The following ZNF681 variants were observed in gnomAD, a reference collection of about 807,000 sequenced individuals.
The protein encoded by ZNF681 is hypothetical protein FLJ31526.
Under a neutral mutation model 56.0 loss-of-function variants are expected in ZNF681, and 37 were observed. The ratio of observed to expected loss-of-function variants is 0.66; its 90% confidence interval spans 0.51 to 0.87. The LOEUF (loss-of-function observed/expected upper bound fraction) is 0.87, where lower values mean the gene tolerates loss of function less well. ZNF681 is among the 40% of genes least tolerant of loss of function. The pLI, the probability that ZNF681 is intolerant of heterozygous loss-of-function variation, is 0.00. For synonymous variants in ZNF681, 225 were observed against 248.6 expected, an observed-to-expected ratio of 0.91 and a Z score of 0.89; for missense variants, 741 against 744.9, an observed-to-expected ratio of 0.99 and a Z score of 0.06.
At chr19:23,748,417 T>C (rs536828968) in intron 3 of ZNF681, among the ~76,000 whole-genome samples, 2 of 152,294 alleles carry the variant, frequency 1.3e-5, no homozygotes, top group African/African-American at 4.8e-5. Context: ...TCCTTGAGGT[T>C]ATCTACTGGA....
rs200245616 is a variant in ZNF681, at chr19:23,744,993, G to A, written c.557C>T (p.Thr186Ile). The change falls in exon 4 of 4, where the codon ACT (threonine) becomes ATT (isoleucine). Residue 186 changes from threonine to isoleucine, a missense_variant. Coordinates refer to ENST00000402377, the MANE Select transcript of ZNF681 (RefSeq NM_138286.3). ...TCTAGTACAAATTATTTTATGTTGAGTTAGGTTTGAAAATATGCAAAATGA... is the reference window on the plus strand; with the variant it reads ...TCTAGTACAAATTATTTTATGTTGAATTAGGTTTGAAAATATGCAAAATGA... The part of the protein sequence containing the change: ...GKSFCIFSNL[T>I]QHKIICTRVN... The A allele has an allele frequency of 1.1e-4, 181 of 1,600,356 alleles. No individual in the cohort carries two copies. The highest frequency in any genetic ancestry group is 1.5e-4 in the Non-Finnish European group (178 of 1,172,704).
chr19:23,745,132 T>G lies in ZNF681; in HGVS notation c.418A>C (p.Lys140Gln). 1.2e-6 allele frequency: 2 copies of G among 1,611,298 alleles called. No individual in the cohort carries two copies. Among genetic ancestry groups the G allele is most frequent in the Non-Finnish European group, 1.7e-6 (2 of 1,179,254 alleles). ...ATATATTTATCACATTGAAATATTT[T>G]GCTCTGGGTAGTTGGCAAACATTGG... is the stretch of plus-strand genomic sequence containing the variant. The part of the protein sequence containing the change: ...LNQCLPTTQS[K>Q]IFQCDKYMKI... Residue 140 changes from lysine to glutamine, a missense_variant, in exon 4 of 4, where the codon AAA becomes CAA. By Grantham distance (53) the Lys-to-Gln change is moderately conservative (BLOSUM62 1). Transcript: ENST00000402377.
In ZNF681 at chr19:23,743,463, T is replaced by G. The variant is rs1037563142; in HGVS notation, c.*149A>C. 6 of 666,402 alleles carry G rather than the reference T, an allele frequency of 9.0e-6. No homozygotes were observed. The African/African-American group carries it at 1.1e-4, about 12-fold the overall frequency. The allele number at this position is 666,402 out of a possible 1,614,324, so 41.3% of individuals were successfully genotyped here. Reference sequence around the variant, plus strand: ...CTGTATATTTGAAATTTTTTTCTAGTACAAATGCTTTCCTGTGCAATAAGG... The same window carrying G: ...CTGTATATTTGAAATTTTTTTCTAGGACAAATGCTTTCCTGTGCAATAAGG... On this transcript the variant is annotated 3_prime_UTR_variant, in exon 4 of 4. Transcript: ENST00000402377.
chr19:23,758,821 G>C lies in ZNF681; in HGVS notation c.-72C>G. ...ACCTGCAGGTCAGAGGGCCATAGAGGCTGGGCCTCTAGAAGAAGAGGACAC... is the reference window on the plus strand; with the variant it reads ...ACCTGCAGGTCAGAGGGCCATAGAGCCTGGGCCTCTAGAAGAAGAGGACAC... On this transcript the variant is annotated 5_prime_UTR_variant, in exon 1 of 4. Transcript: ENST00000402377. 1 of 1,603,418 alleles carries C rather than the reference G, an allele frequency of 6.2e-7. No individual in the cohort carries two copies. Among genetic ancestry groups the C allele is most frequent in the South Asian group, 1.1e-5 (1 of 90,730 alleles).
Position 23,744,411 on chromosome 19 carries a change from T to G in ZNF681, c.1139A>C (p.His380Pro), listed in dbSNP as rs767924546. The G allele has an allele frequency of 3.1e-6, 5 of 1,612,254 alleles. No individual in the cohort carries two copies. Among genetic ancestry groups the G allele is most frequent in the Admixed American group, 1.7e-5 (1 of 59,738 alleles). ...ECGKAFRQSS[H>P]LTTHKIIHTG... Reference sequence around the variant, plus strand: ...ATGAATTATCTTATGTGTAGTAAGGTGTGAGGACTGCCTAAAGGCTTTGCC... The same window carrying G: ...ATGAATTATCTTATGTGTAGTAAGGGGTGAGGACTGCCTAAAGGCTTTGCC... Residue 380 changes from histidine (H) to proline (P), a missense_variant, in exon 4 of 4, where the codon CAC becomes CCC. Coordinates refer to ENST00000402377, the MANE Select transcript of ZNF681 (RefSeq NM_138286.3).
chr19:23,744,910 T>C lies in ZNF681; in HGVS notation c.640A>G (p.Thr214Ala). The change falls in exon 4 of 4, where the codon ACT (threonine) becomes GCT (alanine). Residue 214 changes from threonine to alanine, a missense_variant. Physicochemically the swap from Thr to Ala is moderately conservative, Grantham distance 58. Coordinates refer to ENST00000402377, the MANE Select transcript of ZNF681 (RefSeq NM_138286.3). ...CCAATATGAATTCTTTTATGTTTAG[T>C]AAAGATTGAGGATCCATTAAAGGCT... ...GKAFNGSSIF[T>A]KHKRIHIGEK... 1 of 1,608,096 alleles carries C rather than the reference T, an allele frequency of 6.2e-7. No homozygotes were observed. Among genetic ancestry groups the C allele is most frequent in the Non-Finnish European group, 8.5e-7 (1 of 1,177,844 alleles).
At chr19:23,747,404 C>G (rs868405218) in intron 3 of ZNF681, among the ~76,000 whole-genome samples, 4 of 151,932 alleles carry the variant, frequency 2.6e-5, no homozygotes, top group African/African-American at 9.7e-5. Flanking sequence ...CTTTGGGAGG[C>G]CGAGGCGGGC....
In ZNF681 at chr19:23,755,250, A is replaced by G. The variant is rs571920425; in HGVS notation, c.130+175T>C. Among the ~76,000 whole-genome samples, 18 of 152,304 alleles carry G rather than the reference A, an allele frequency of 1.2e-4. 1 individual carries two copies. The highest frequency in any genetic ancestry group is 2.4e-4 in the Non-Finnish European group (16 of 68,022). On this transcript the variant is annotated intron_variant, in intron 2 of 3. Transcript: ENST00000402377. Reference sequence around the variant, plus strand: ...TCAGGAATGCAGAAAGTTCAGGTCAAGATGAAATATCTTGAAGAAATTCTT... The same window carrying G: ...TCAGGAATGCAGAAAGTTCAGGTCAGGATGAAATATCTTGAAGAAATTCTT...
intron 3 of ZNF681, among the ~76,000 whole-genome samples, chr19:23,750,022 C>T (rs1295767602): frequency 6.6e-6 from 1 of 150,714 alleles, no homozygotes; most frequent in African/African-American, 2.4e-5. Context: ...CCGTGGCTCA[C>T]GCCTGTAATC....
chr19:23,740,088 T>C lies in ZNF681; in HGVS notation c.*3524A>G, dbSNP rs1339025095. On this transcript the variant is annotated 3_prime_UTR_variant, in exon 4 of 4. Transcript: ENST00000402377. The stretch of plus-strand genomic sequence containing the variant: ...ACTTTGTGTAAGAATTTAATAAGAT[T>C]ATTCTTTAACAAACAGAGAAAAACA... 2 of 152,174 alleles carry C rather than the reference T, an allele frequency of 1.3e-5. No individual in the cohort carries two copies. The highest frequency in any genetic ancestry group is 2.9e-5 in the Non-Finnish European group (2 of 68,018). The allele number at this position is 152,174 out of a possible 1,614,324, so 9.4% of individuals were successfully genotyped here.
Position 23,743,983 on chromosome 19 carries a change from C to CAGTAAGTTTTGAGGATCGAT in ZNF681, c.1547_1566dup (p.Glu523IlefsTer39). 6.3e-7 allele frequency: 1 copy of CAGTAAGTTTTGAGGATCGAT among 1,599,090 alleles called. No individual in the cohort carries two copies. Among genetic ancestry groups the CAGTAAGTTTTGAGGATCGAT allele is most frequent in the Non-Finnish European group, 8.5e-7 (1 of 1,173,996 alleles). On this transcript the variant is annotated frameshift_variant, in exon 4 of 4. Coordinates refer to ENST00000402377, the MANE Select transcript of ZNF681 (RefSeq NM_138286.3). LOFTEE classifies it high-confidence loss of function. Reference sequence around the variant, plus strand: ...TCTCCAGTATGAATTTTCTTATGTTCAGTAAGTTTTGAGGATCGATAGAAA... The same window carrying CAGTAAGTTTTGAGGATCGAT: ...TCTCCAGTATGAATTTTCTTATGTTCAGTAAGTTTTGAGGATCGATAGTAAGTTTTGAGGATCGATAGAAA...
intron 3 of ZNF681, among the ~76,000 whole-genome samples, chr19:23,751,696 A>T (rs1454552799): frequency 2.0e-5 from 3 of 150,718 alleles, no homozygotes; most frequent in Non-Finnish European, 4.4e-5. Context: ...TTATTTATTT[A>T]TTTTTTTGAG....
intron 1 of ZNF681, among the ~76,000 whole-genome samples, chr19:23,756,613 A>C (rs1192999499): frequency 6.6e-6 from 1 of 152,112 alleles, no homozygotes; most frequent in Non-Finnish European, 1.5e-5. Flanking sequence ...AAACACAAGG[A>C]GACAAACCAT....
rs1968892635 is a variant in ZNF681 at position 23,743,235 on chromosome 19, CAAT to C, written c.*374_*376del. On this transcript the variant is annotated 3_prime_UTR_variant, in exon 4 of 4. Transcript: ENST00000402377. ...GTTTTCCTCTAGCACAAAATGTGTACAATGAGATCTGTGATACAAGTAAAGGTA... is the reference window on the plus strand; with the variant it reads ...GTTTTCCTCTAGCACAAAATGTGTACGAGATCTGTGATACAAGTAAAGGTA... 1 of 154,934 alleles carries C rather than the reference CAAT, an allele frequency of 6.5e-6. No individual in the cohort carries two copies. Among genetic ancestry groups the C allele is most frequent in the Non-Finnish European group, 1.4e-5 (1 of 70,114 alleles). 9.6% of individuals were successfully genotyped at this position (154,934 alleles called of 1,614,324 possible).
At chr19:23,756,821 T>A (rs999301594) in intron 1 of ZNF681, among the ~76,000 whole-genome samples, 2 of 151,384 alleles carry the variant, frequency 1.3e-5, no homozygotes, top group African/African-American at 4.9e-5. Flanking sequence ...AGAAAAAAAA[T>A]ATATTATAAA....
intron 3 of ZNF681, among the ~76,000 whole-genome samples, chr19:23,748,634 C>T (rs950691145): frequency 2.0e-5 from 3 of 152,150 alleles, no homozygotes; most frequent in South Asian, 2.1e-4. Flanking sequence ...TTTATTCCCA[C>T]GTTCATCCTC....
chr19:23,747,245 T>G (rs1341447707), intron 3 of ZNF681, among the ~76,000 whole-genome samples: 3 of 152,150 alleles, frequency 2.0e-5, no homozygotes, highest in African/African-American at 7.2e-5. Flanking sequence ...AAATAACACA[T>G]ACTCTTCAAC....
chr19:23,756,823 T>TATTATAA (rs1426882726), intron 1 of ZNF681, among the ~76,000 whole-genome samples: 1 of 151,802 alleles, frequency 6.6e-6, no homozygotes, highest in Non-Finnish European at 1.5e-5. Context: ...AAAAAAAATA[T>TATTATAA]ATTATAAAAG....
chr19:23,747,781 A>G (rs1968967738), intron 3 of ZNF681, among the ~76,000 whole-genome samples: 1 of 152,136 alleles, frequency 6.6e-6, no homozygotes, highest in Non-Finnish European at 1.5e-5. Context: ...TTTAAAAAAT[A>G]TTAATAGCTA....
Sources: gnomAD v4.1 joint callset for allele counts (sites outside exome capture counted in the v4.1 genomes callset) on GRCh38, gnomAD v4.1.1 for gene constraint, MANE v1.5 for transcripts, NCBI Gene and HGNC (gene_info 2026-07-23, HGNC 2026-07-21) for gene names.